The following EPRS1 variants were observed in gnomAD, a reference collection of about 807,000 sequenced individuals.
The protein encoded by EPRS1 is glutamyl-prolyl-tRNA synthetase 1, also known as bifunctional glutamate/proline--tRNA ligase.
A neutral mutation model predicts 188.3 loss-of-function variants in EPRS1; 107 were observed. The observed-to-expected ratio is 0.57, with a 90% CI of 0.49 to 0.67. The LOEUF is 0.67. Among genes scored for constraint, EPRS1 ranks in the 30% least tolerant of loss-of-function variants. EPRS1 has a pLI of 0.00. For synonymous variants in EPRS1, 596 were observed against 593.1 expected, an observed-to-expected ratio of 1.00 and a Z score of -0.07; for missense variants, 1,577 against 1,802.2, an observed-to-expected ratio of 0.88 and a Z score of 2.26.
At chr1:220,022,604 A>G in intron 8 of EPRS1, 86 bp from the exon 9 acceptor site, 1 of 1,156,826 alleles carries the variant, frequency 8.6e-7, no homozygotes, top group Non-Finnish European at 1.2e-6. Context: ...ATAAATTTTC[A>G]TGTTCTTGTT....
intron 17 of EPRS1, among the ~76,000 whole-genome samples, chr1:219,998,566 C>T (rs1263778056): frequency 1.0e-5 from 1 of 100,242 alleles, no homozygotes; most frequent in African/African-American, 4.1e-5. Context: ...TTTTTTGAGA[C>T]AGTGTCTTGC....
chr1:219,988,803 T>C lies in EPRS1; in HGVS notation c.2562A>G (p.Val854=). Residue 854 remains valine, a synonymous_variant, in exon 19 of 32, where the codon GTA becomes GTG. Transcript: ENST00000366923. ...KSPKAKINEA[V]ECLLSLKAQY... is the part of the protein sequence containing the mutation. ...GAGCCTTCAGGGACAGTAAGCATTC[T>C]ACAGCTTCATTTATTTTAGCCTAAA... is the stretch of plus-strand genomic sequence containing the variant. 1 of 1,597,348 alleles carries C rather than the reference T, an allele frequency of 6.3e-7. No individual in the cohort carries two copies. The highest frequency in any genetic ancestry group is 1.1e-5 in the South Asian group (1 of 87,054).
intron 17 of EPRS1, among the ~76,000 whole-genome samples, chr1:219,999,176 C>T (rs1340016895): frequency 2.7e-5 from 4 of 149,498 alleles, no homozygotes; most frequent in Non-Finnish European, 6.0e-5. Flanking sequence ...ATAGTATCAG[C>T]CTCTATTGGA....
chr1:220,016,116 T>C (rs1661705064), intron 12 of EPRS1, among the ~76,000 whole-genome samples: 1 of 151,944 alleles, frequency 6.6e-6, no homozygotes, highest in Non-Finnish European at 1.5e-5. Context: ...GAGGCTGAGG[T>C]GGGCGGATCA....
At chr1:220,004,183 A>G (rs144862391) in intron 16 of EPRS1, among the ~76,000 whole-genome samples, 57 of 152,236 alleles carry the variant, frequency 3.7e-4, no homozygotes, top group African/African-American at 1.2e-3. Flanking sequence ...GTGTACCACC[A>G]TGCCTGGTTA....
rs1661842358 is a variant in EPRS1 at position 220,020,216 on chromosome 1, T to G, written c.1121A>C (p.Tyr374Ser). ...GGGGCAGGCAAAATCATATGTTGGA[T>G]AAACACTAGAAAAAAAGAAAATAAA... ...HPRTGNKYNV[Y>S]PTYDFACPIV... The change falls in exon 10 of 32, where the codon TAT becomes TCT. Residue 374 changes from tyrosine to serine, a missense_variant. Around this residue, in one of 3 missense-constraint regions of EPRS1, gnomAD observed 1,278 missense variants for 1,457.4 expected, o/e 0.88. Coordinates refer to ENST00000366923, the MANE Select transcript of EPRS1 (RefSeq NM_004446.3). 1 of 1,598,796 alleles carries G rather than the reference T, an allele frequency of 6.3e-7. No individual in the cohort carries two copies. Among genetic ancestry groups the G allele is most frequent in the Non-Finnish European group, 8.6e-7 (1 of 1,169,352 alleles).
chr1:219,974,514 A>G (rs1660737826), intron 28 of EPRS1, among the ~76,000 whole-genome samples: 1 of 152,208 alleles, frequency 6.6e-6, no homozygotes, highest in Non-Finnish European at 1.5e-5. Context: ...TTTTGAATGA[A>G]TAATCCTCTA....
At chr1:219,996,497 A>T (rs1661234304) in intron 18 of EPRS1, among the ~76,000 whole-genome samples, 1 of 152,192 alleles carries the variant, frequency 6.6e-6, no homozygotes, top group Non-Finnish European at 1.5e-5. Context: ...TCTACTGCAG[A>T]AGAAAGTCAA....
chr1:220,011,281 T>C (rs1661600104), intron 12 of EPRS1, among the ~76,000 whole-genome samples: 1 of 152,202 alleles, frequency 6.6e-6, no homozygotes, highest in African/African-American at 2.4e-5. Flanking sequence ...CAAGAATAGC[T>C]ACTGGCAGGT....
chr1:220,043,467 C>T (rs1662337587), intron 1 of EPRS1, among the ~76,000 whole-genome samples: 1 of 152,114 alleles, frequency 6.6e-6, no homozygotes, highest in Non-Finnish European at 1.5e-5. Context: ...AAGTCACTAT[C>T]TCGCAAACAT....
intron 4 of EPRS1, 121 bp downstream of exon 4, chr1:220,033,381 C>T: frequency 1.6e-6 from 1 of 614,434 alleles, no homozygotes; most frequent in Non-Finnish European, 2.7e-6. Flanking sequence ...TCCTAAGTTA[C>T]TGTCTAAACA....
Position 220,041,312 on chromosome 1 carries a change from A to G in EPRS1, c.47-1043T>C, listed in dbSNP as rs773933770. ...GCACCACTGCGTTCCTGCCTGAATGACACAGCGAAACTGTCTCAAAAAAAA... is the reference window on the plus strand; with the variant it reads ...GCACCACTGCGTTCCTGCCTGAATGGCACAGCGAAACTGTCTCAAAAAAAA... On this transcript the variant is annotated intron_variant, in intron 1 of 31. Coordinates refer to ENST00000366923, the MANE Select transcript of EPRS1 (RefSeq NM_004446.3). 3.0e-4 allele frequency among the ~76,000 whole-genome samples: 45 copies of G among 151,702 alleles called. 1 individual carries two copies. Among genetic ancestry groups the G allele is most frequent in the Non-Finnish European group, 4.4e-5 (3 of 67,980 alleles).
In EPRS1 at chr1:219,979,549, T is replaced by G. The variant is rs370913024; in HGVS notation, c.3778A>C (p.Lys1260Gln). Residue 1260 changes from lysine (K) to glutamine (Q), a missense_variant, in exon 27 of 32, where the codon AAG (lysine) becomes CAG (glutamine). This residue lies in a region of EPRS1 where 296 missense variants were observed against 327.9 expected (regional missense o/e 0.90). Coordinates refer to ENST00000366923, the MANE Select transcript of EPRS1 (RefSeq NM_004446.3). The stretch of plus-strand genomic sequence containing the variant: ...GCAAATTGCTTCTCTCCTGGTATCT[T>G]TGGATCTTCAAAAACGATTTCAAAC... ...KMFEIVFEDP[K>Q]IPGEKQFAYQ... The G allele has an allele frequency of 6.2e-7, 1 of 1,614,022 alleles. No homozygotes were observed. Among genetic ancestry groups the G allele is most frequent in the South Asian group, 1.1e-5 (1 of 91,080 alleles).
At chr1:219,969,183 G>A in intron 30 of EPRS1, 61 bp from the exon 31 acceptor site, 1 of 1,201,682 alleles carries the variant, frequency 8.3e-7, no homozygotes, top group Non-Finnish European at 1.2e-6. Flanking sequence ...TTCTGCAGAA[G>A]GAACATTTGA....
chr1:220,007,095 A>T, intron 14 of EPRS1, 107 bp downstream of exon 14: 1 of 928,998 alleles, frequency 1.1e-6, no homozygotes, highest in Non-Finnish European at 1.5e-6. Flanking sequence ...GGGCAGATTT[A>T]CTAGTCAGCA....
chr1:220,013,939 A>C (rs1021574439), intron 12 of EPRS1, among the ~76,000 whole-genome samples: 7 of 152,202 alleles, frequency 4.6e-5, no homozygotes, highest in African/African-American at 1.4e-4. Flanking sequence ...GACTGAAAAT[A>C]CTCATCAACT....
intron 1 of EPRS1, among the ~76,000 whole-genome samples, chr1:220,040,540 C>T (rs1014463861): frequency 2.6e-5 from 4 of 152,130 alleles, no homozygotes; most frequent in East Asian, 3.9e-4. Flanking sequence ...CTTCTCCCTT[C>T]GGAGACAAAA....
Position 219,969,103 on chromosome 1 carries a change from C to T in EPRS1, c.4343G>A (p.Cys1448Tyr), listed in dbSNP as rs1279686749. 2.5e-6 allele frequency: 4 copies of T among 1,610,826 alleles called. No homozygotes were observed. Among genetic ancestry groups the T allele is most frequent in the Non-Finnish European group, 3.4e-6 (4 of 1,177,256 alleles). Residue 1448 changes from cysteine to tyrosine, a missense_variant, in exon 31 of 32, where the codon TGT becomes TAT. This residue lies in a region of EPRS1 where 296 missense variants were observed against 327.9 expected (regional missense o/e 0.90). Coordinates refer to ENST00000366923, the MANE Select transcript of EPRS1 (RefSeq NM_004446.3). ...CCAGTCCTCACAGTCAATTTCCCCA[C>T]AGAATGGAATCTGAACAATCTAATT... Reference protein sequence around the residue: ...DSGKIVQIPFCGEIDCEDWIK... With the variant: ...DSGKIVQIPFYGEIDCEDWIK...
chr1:219,982,997 C>T (rs1297293726), intron 22 of EPRS1, among the ~76,000 whole-genome samples, 153 bp from the exon 23 acceptor site: 3 of 152,120 alleles, frequency 2.0e-5, no homozygotes, highest in Non-Finnish European at 2.9e-5. Context: ...GAAAGGTACG[C>T]ACTTACTGAC....
Sources: gnomAD v4.1 joint callset for allele counts (sites outside exome capture counted in the v4.1 genomes callset) on GRCh38, gnomAD v4.1.1 for gene constraint, gnomAD v4.1.1 regional missense constraint, MANE v1.5 for transcripts, NCBI Gene and HGNC (gene_info 2026-07-23, HGNC 2026-07-21) for gene names.